The following CSMD1 variants were observed in gnomAD, a reference collection of about 807,000 sequenced individuals.
The protein encoded by CSMD1 is CUB and Sushi multiple domains 1, also known as CUB and sushi domain-containing protein 1.
A neutral mutation model predicts 417.5 loss-of-function variants in CSMD1; 213 were observed. The ratio of observed to expected loss-of-function variants is 0.51; its 90% CI spans 0.46 to 0.57. CSMD1 has a LOEUF of 0.57. Ranked by LOEUF, CSMD1 falls within the 20% of genes least tolerant of loss-of-function variation. The probability of loss-of-function intolerance (pLI) is 0.00; values close to 1 mark genes in which losing one functional copy is unlikely to be tolerated. For synonymous variants in CSMD1, 2,862 were observed against 1,736.8 expected, an observed-to-expected ratio of 1.65 and a Z score of -16.11; for missense variants, 6,923 against 4,529.7, an observed-to-expected ratio of 1.53 and a Z score of -15.17.
At chr8:4,148,460 T>C (rs1225051703) in intron 3 of CSMD1, among the ~76,000 whole-genome samples, 1 of 151,962 alleles carries the variant, frequency 6.6e-6, no homozygotes, top group Non-Finnish European at 1.5e-5. Context: ...ATGGCACATG[T>C]ATACATATGT....
intron 1 of CSMD1, among the ~76,000 whole-genome samples, chr8:4,844,035 G>C (rs1040088003): frequency 9.9e-5 from 15 of 152,146 alleles, no homozygotes; most frequent in African/African-American, 2.7e-4. Context: ...TGTAGACTAC[G>C]GTCACTGCAT....
intron 1 of CSMD1, among the ~76,000 whole-genome samples, chr8:4,960,130 C>A (rs1036564579): frequency 2.0e-5 from 3 of 152,104 alleles, no homozygotes; most frequent in African/African-American, 4.8e-5. Context: ...ATAATGTGCT[C>A]ATTACTTCTG....
chr8:4,640,002 C>G (rs1167230738), intron 1 of CSMD1, among the ~76,000 whole-genome samples: 1 of 151,196 alleles, frequency 6.6e-6, no homozygotes, highest in East Asian at 1.9e-4. Context: ...AACAGTAAAT[C>G]AAAAAAAGGG....
intron 1 of CSMD1, among the ~76,000 whole-genome samples, chr8:4,697,546 G>A (rs762560861): frequency 5.3e-4 from 80 of 152,152 alleles, no homozygotes; most frequent in Non-Finnish European, 1.8e-4. Flanking sequence ...ATTGGGGAAT[G>A]TCGACGATAG....
At chr8:3,616,356 A>C (rs1413852031) in intron 8 of CSMD1, among the ~76,000 whole-genome samples, 4 of 152,014 alleles carry the variant, frequency 2.6e-5, no homozygotes, top group Non-Finnish European at 4.4e-5. Flanking sequence ...CCTTCCTGTC[A>C]CCATATGAAG....
intron 2 of CSMD1, among the ~76,000 whole-genome samples, chr8:4,449,698 G>A (rs962774497): frequency 6.6e-6 from 1 of 152,120 alleles, no homozygotes; most frequent in Non-Finnish European, 1.5e-5. Context: ...GAGGGAGAGA[G>A]AGGGAGTATG....
intron 5 of CSMD1, among the ~76,000 whole-genome samples, chr8:3,879,469 G>A (rs936993392): frequency 2.6e-5 from 4 of 152,074 alleles, no homozygotes; most frequent in Admixed American, 2.0e-4. Context: ...TTTGCTTCTC[G>A]TTTTGCTTAG....
At chr8:3,473,183 T>C (rs557783666) in intron 11 of CSMD1, among the ~76,000 whole-genome samples, 1 of 152,246 alleles carries the variant, frequency 6.6e-6, no homozygotes, top group Non-Finnish European at 1.5e-5. Flanking sequence ...AGTTCTATAC[T>C]GAACTTTGCT....
chr8:3,646,313 T>C, intron 7 of CSMD1, among the ~76,000 whole-genome samples: 1 of 152,188 alleles, frequency 6.6e-6, no homozygotes, highest in East Asian at 1.9e-4. Flanking sequence ...CTAAATATAC[T>C]AAAATATAGA....
intron 5 of CSMD1, among the ~76,000 whole-genome samples, chr8:3,963,164 T>A (rs909132486): frequency 2.0e-5 from 3 of 152,256 alleles, no homozygotes; most frequent in African/African-American, 7.2e-5. Context: ...ACTCCTGACC[T>A]CCAGTAACCC....
chr8:4,581,369 C>T (rs1220609938), intron 2 of CSMD1, among the ~76,000 whole-genome samples: 1 of 152,142 alleles, frequency 6.6e-6, no homozygotes, highest in Non-Finnish European at 1.5e-5. Context: ...TCTCGATATA[C>T]TGTACATTTT....
Position 4,139,581 on chromosome 8 carries a change from G to A in CSMD1, c.416-107482C>T, listed in dbSNP as rs1175145703. Among the ~76,000 whole-genome samples, 9 of 151,282 alleles carry A rather than the reference G, an allele frequency of 5.9e-5. 1 individual carries two copies. Among genetic ancestry groups the A allele is most frequent in the African/African-American group, 1.7e-4 (7 of 40,588 alleles). On this transcript the variant is annotated intron_variant, in intron 3 of 69. Coordinates refer to ENST00000635120, the MANE Select transcript of CSMD1 (RefSeq NM_033225.6). ...CATATAGCTCCCTGAGCTGCCTATG[G>A]AACTGAGTGGGCATCAAGGGGACAA...
chr8:3,659,047 T>G (rs111331969), intron 7 of CSMD1, among the ~76,000 whole-genome samples: 2 of 152,190 alleles, frequency 1.3e-5, no homozygotes, highest in Non-Finnish European at 2.9e-5. Context: ...CACGGCGCCA[T>G]TGCATCTACT....
At chr8:3,025,190 TG>T (rs1181477256) in intron 51 of CSMD1, among the ~76,000 whole-genome samples, 3 of 149,876 alleles carry the variant, frequency 2.0e-5, no homozygotes, top group Admixed American at 2.0e-4. Context: ...TACCGTGTAT[TG>T]TGTGGTGTTA....
Position 3,259,155 on chromosome 8 carries a change from T to C in CSMD1, c.4153+24989A>G, listed in dbSNP as rs116475709. Among the ~76,000 whole-genome samples the C allele has an allele frequency of 4.5e-3, 683 of 152,312 alleles. 9 individuals carry two copies. The highest frequency in any genetic ancestry group is 0.016 in the African/African-American group (657 of 41,570). On this transcript the variant is annotated intron_variant, in intron 26 of 69. Transcript: ENST00000635120. ...TCCAAGGGCTAGGGCCATATTGAGC[T>C]GAAAACATTCTTATTAGTATGGACT...
At chr8:4,093,272 C>T (rs578019385) in intron 3 of CSMD1, among the ~76,000 whole-genome samples, 7 of 152,198 alleles carry the variant, frequency 4.6e-5, no homozygotes, top group African/African-American at 1.7e-4. Context: ...ATCACATTTA[C>T]ATAAAAAATA....
intron 24 of CSMD1, 84 bp from the exon 25 acceptor site, chr8:3,307,905 T>A: frequency 7.0e-7 from 1 of 1,436,042 alleles, no homozygotes; most frequent in Non-Finnish European, 9.5e-7. Context: ...CCAAAGCCAT[T>A]ATGTCTGCAT....
At chr8:3,988,875 C>T (rs1325768708) in intron 5 of CSMD1, among the ~76,000 whole-genome samples, 3 of 152,146 alleles carry the variant, frequency 2.0e-5, no homozygotes, top group Non-Finnish European at 4.4e-5. Flanking sequence ...TTGTTATTGT[C>T]ACACAATTCA....
chr8:4,652,760 G>A (rs571633397), intron 1 of CSMD1, among the ~76,000 whole-genome samples: 1 of 152,164 alleles, frequency 6.6e-6, no homozygotes, highest in South Asian at 2.1e-4. Context: ...CACCAGGGCG[G>A]TTTTGTGGAA....
Sources: allele counts gnomAD v4.1 joint callset (sites outside exome capture counted in the v4.1 genomes callset), GRCh38; gene constraint gnomAD v4.1.1; transcripts MANE v1.5; gene names NCBI Gene and HGNC (gene_info 2026-07-23, HGNC 2026-07-21).